CLSTN2: variants seen among roughly 807,000 people sequenced by gnomAD.
CLSTN2 encodes the protein calsyntenin-2.
A neutral mutation model predicts 101.2 loss-of-function variants in CLSTN2; 48 were observed. The observed-to-expected ratio is 0.47, with a 90% CI of 0.38 to 0.60. The LOEUF (loss-of-function observed/expected upper bound fraction) is 0.60, where lower values mean the gene tolerates loss of function less well. Ranked by LOEUF, CLSTN2 falls within the 20% of genes least tolerant of loss-of-function variation. The pLI, the probability that CLSTN2 is intolerant of heterozygous loss-of-function variation, is 0.00. For synonymous variants in CLSTN2, 481 were observed against 463.6 expected, an observed-to-expected ratio of 1.04 and a Z score of -0.48; for missense variants, 1,160 against 1,238.2, an observed-to-expected ratio of 0.94 and a Z score of 0.95.
At chr3:140,500,681 C>T (rs1457989689) in intron 8 of CLSTN2, among the ~76,000 whole-genome samples, 1 of 152,190 alleles carries the variant, frequency 6.6e-6, no homozygotes, top group Non-Finnish European at 1.5e-5. Context: ...CCCCCAACCT[C>T]ATAAGCTGCC....
At chr3:140,362,982 A>G (rs911013746) in intron 2 of CLSTN2, among the ~76,000 whole-genome samples, 3 of 152,196 alleles carry the variant, frequency 2.0e-5, no homozygotes, top group Non-Finnish European at 2.9e-5. Flanking sequence ...ATTCCTGGGC[A>G]TCATCTAAGG....
At chr3:140,543,920 A>G (rs1184111110) in intron 9 of CLSTN2, among the ~76,000 whole-genome samples, 6 of 152,314 alleles carry the variant, frequency 3.9e-5, no homozygotes, top group Admixed American at 3.9e-4. Context: ...CCCTCAATCA[A>G]TCACAGGTGC....
chr3:140,258,384 C>T (rs1393098340), intron 2 of CLSTN2, among the ~76,000 whole-genome samples: 4 of 152,072 alleles, frequency 2.6e-5, no homozygotes, highest in Admixed American at 2.0e-4. Context: ...AATCCATGGC[C>T]GGGCTTTGGG....
At chr3:140,385,481 G>C (rs1218658913) in intron 2 of CLSTN2, among the ~76,000 whole-genome samples, 1 of 148,644 alleles carries the variant, frequency 6.7e-6, no homozygotes, top group African/African-American at 2.5e-5. Flanking sequence ...CCATTCTCCT[G>C]CCTCAGCTTC....
intron 1 of CLSTN2, among the ~76,000 whole-genome samples, chr3:139,937,574 TAAAAAAA>T (rs59496165): frequency 8.7e-6 from 1 of 114,700 alleles, no homozygotes; most frequent in Admixed American, 9.2e-5. Context: ...CCGTCTCTAC[TAAAAAAA>T]AAAAAAAAAA....
intron 8 of CLSTN2, among the ~76,000 whole-genome samples, chr3:140,479,707 A>C (rs1455405394): frequency 6.6e-6 from 1 of 152,220 alleles, no homozygotes; most frequent in Non-Finnish European, 1.5e-5. Context: ...GAAAATATGG[A>C]TTTCGCACAT....
chr3:140,308,170 A>G (rs1212266709), intron 2 of CLSTN2, among the ~76,000 whole-genome samples: 1 of 152,240 alleles, frequency 6.6e-6, no homozygotes, highest in Non-Finnish European at 1.5e-5. Context: ...CAGATCCTTC[A>G]ATCCTGGAAC....
At chr3:140,521,918 G>T (rs1299486607) in intron 8 of CLSTN2, among the ~76,000 whole-genome samples, 5 of 152,186 alleles carry the variant, frequency 3.3e-5, no homozygotes, top group African/African-American at 1.2e-4. Context: ...CCTCCTAGGG[G>T]TATGTAGGGA....
chr3:140,007,470 C>A (rs1222480095), intron 1 of CLSTN2, among the ~76,000 whole-genome samples: 1 of 152,172 alleles, frequency 6.6e-6, no homozygotes, highest in African/African-American at 2.4e-5. Context: ...CCATCCTGTC[C>A]CCTTTTCGTT....
intron 1 of CLSTN2, among the ~76,000 whole-genome samples, chr3:140,119,540 G>C (rs1289894442): frequency 6.6e-6 from 1 of 152,106 alleles, no homozygotes; most frequent in Non-Finnish European, 1.5e-5. Flanking sequence ...TTTAAGACAG[G>C]GTCTTGCTCT....
chr3:140,472,093 C>A (rs1008168581), intron 8 of CLSTN2, among the ~76,000 whole-genome samples: 3 of 152,124 alleles, frequency 2.0e-5, no homozygotes, highest in Non-Finnish European at 4.4e-5. Context: ...TGCTAAACTC[C>A]CCGTATGAGG....
At chr3:140,035,713 T>G (rs946960274) in intron 1 of CLSTN2, among the ~76,000 whole-genome samples, 2 of 152,212 alleles carry the variant, frequency 1.3e-5, no homozygotes, top group African/African-American at 4.8e-5. Flanking sequence ...CAATTTTTAT[T>G]ATTTTGCCAG....
At chr3:140,500,351 T>A (rs1208849492) in intron 8 of CLSTN2, among the ~76,000 whole-genome samples, 1 of 152,162 alleles carries the variant, frequency 6.6e-6, no homozygotes, top group Non-Finnish European at 1.5e-5. Context: ...AAAGACTTAC[T>A]TCAAAATTAG....
intron 1 of CLSTN2, among the ~76,000 whole-genome samples, chr3:140,163,145 T>C (rs185794300): frequency 2.5e-4 from 38 of 152,280 alleles, no homozygotes; most frequent in African/African-American, 8.2e-4. Context: ...AGTCTAGATA[T>C]TGCTGCGAAG....
At chr3:140,315,395 C>T (rs1257793398) in intron 2 of CLSTN2, among the ~76,000 whole-genome samples, 2 of 152,210 alleles carry the variant, frequency 1.3e-5, no homozygotes, top group Non-Finnish European at 2.9e-5. Flanking sequence ...TAATTAATGA[C>T]TCCAGAGCAA....
chr3:140,248,640 C>T (rs907386833), intron 2 of CLSTN2, among the ~76,000 whole-genome samples: 1 of 152,178 alleles, frequency 6.6e-6, no homozygotes, highest in Non-Finnish European at 1.5e-5. Context: ...AATAACAGAT[C>T]CACAGGCGTG....
At chr3:139,941,522 A>C (rs1329575417) in intron 1 of CLSTN2, among the ~76,000 whole-genome samples, 2 of 152,214 alleles carry the variant, frequency 1.3e-5, no homozygotes, top group African/African-American at 4.8e-5. Context: ...ATCACACATC[A>C]CACAAACTAT....
chr3:140,120,906 C>T (rs1411161821), intron 1 of CLSTN2, among the ~76,000 whole-genome samples: 4 of 152,170 alleles, frequency 2.6e-5, no homozygotes, highest in Admixed American at 2.0e-4. Context: ...ACAAAACACC[C>T]TGGCGGCCAG....
chr3:140,124,090 T>C (rs2009391066), intron 1 of CLSTN2, among the ~76,000 whole-genome samples: 1 of 151,930 alleles, frequency 6.6e-6, no homozygotes, highest in South Asian at 2.1e-4. Flanking sequence ...GTGCTAAAAG[T>C]AATGTAGGAA....
Sources: gnomAD v4.1 joint callset for allele counts (sites outside exome capture counted in the v4.1 genomes callset) on GRCh38, gnomAD v4.1.1 for gene constraint, MANE v1.5 for transcripts, NCBI Gene and HGNC (gene_info 2026-07-23, HGNC 2026-07-21) for gene names.